The following AUTS2 variants were observed in gnomAD, a reference collection of about 807,000 sequenced individuals.
The protein encoded by AUTS2 is autism susceptibility gene 2 protein.
In AUTS2, 17 loss-of-function variants were observed where a neutral mutation model predicts 112.4. The ratio of observed to expected loss-of-function variants is 0.15; its 90% CI spans 0.10 to 0.23. The LOEUF (loss-of-function observed/expected upper bound fraction) is 0.23, where lower values mean the gene tolerates loss of function less well. AUTS2 is among the 10% of genes least tolerant of loss of function. The pLI is 1.00. For synonymous variants in AUTS2, 751 were observed against 702.7 expected, an observed-to-expected ratio of 1.07 and a Z score of -1.09; for missense variants, 1,510 against 1,701.6, an observed-to-expected ratio of 0.89 and a Z score of 1.98.
intron 14 of AUTS2, among the ~76,000 whole-genome samples, chr7:70,780,680 T>TC (rs1407327034): frequency 6.6e-6 from 1 of 152,060 alleles, no homozygotes; most frequent in Non-Finnish European, 1.5e-5. Flanking sequence ...GACACTGCCC[T>TC]CCCCCAACCT....
chr7:70,583,479 T>C (rs1010674163), intron 5 of AUTS2, among the ~76,000 whole-genome samples: 2 of 152,224 alleles, frequency 1.3e-5, no homozygotes, highest in African/African-American at 4.8e-5. Context: ...GCCTGTTTTC[T>C]AAGTAGCCAG....
chr7:70,733,162 C>T (rs538269268), intron 6 of AUTS2, among the ~76,000 whole-genome samples: 1 of 152,224 alleles, frequency 6.6e-6, no homozygotes, highest in South Asian at 2.1e-4. Context: ...AGTTAGGCTC[C>T]TGAGCACTTA....
intron 1 of AUTS2, among the ~76,000 whole-genome samples, chr7:69,881,958 C>G (rs1281341116): frequency 6.6e-6 from 1 of 151,162 alleles, no homozygotes; most frequent in Non-Finnish European, 1.5e-5. Context: ...TTGAGACCAG[C>G]CTGCCAACAT....
intron 1 of AUTS2, among the ~76,000 whole-genome samples, chr7:69,691,605 C>G (rs932467599): frequency 6.6e-6 from 1 of 151,954 alleles, no homozygotes; most frequent in Non-Finnish European, 1.5e-5. Context: ...GGGGAGAGGC[C>G]AGGGAGTGGG....
chr7:70,514,328 A>AC (rs1175832160), intron 5 of AUTS2, among the ~76,000 whole-genome samples: 1 of 152,212 alleles, frequency 6.6e-6, no homozygotes, highest in Non-Finnish European at 1.5e-5. Flanking sequence ...GAGACTGGGT[A>AC]CTATCTAAAG....
rs1249691635 is a variant in AUTS2 at position 69,599,849 on chromosome 7, G to A, written c.196G>A (p.Ala66Thr). ...AGACAATGGGAAGCCCCCGTCCTCC[G>A]CCCCGTCCCGGCCCAGACCCCCGCG... ...KEDNGKPPSS[A>T]PSRPRPPRRK... The change falls in exon 1 of 19, where the codon GCC (alanine) becomes ACC (threonine). Residue 66 changes from alanine to threonine, a missense_variant. Ala to Thr is a moderately conservative substitution (Grantham distance 58). Coordinates refer to ENST00000342771, the MANE Select transcript of AUTS2 (RefSeq NM_015570.4). The surrounding 1 kb of genome is among the most constrained non-coding windows in gnomAD (Gnocchi z 7.0). 1.2e-6 allele frequency: 2 copies of A among 1,612,202 alleles called. No homozygotes were observed. Among genetic ancestry groups the A allele is most frequent in the East Asian group, 2.2e-5 (1 of 44,722 alleles).
At chr7:70,095,904 A>T (rs1227254466) in intron 2 of AUTS2, among the ~76,000 whole-genome samples, 1 of 152,228 alleles carries the variant, frequency 6.6e-6, no homozygotes, top group Non-Finnish European at 1.5e-5. Context: ...CTATGTATTA[A>T]TTTAGTACAC....
intron 5 of AUTS2, among the ~76,000 whole-genome samples, chr7:70,603,222 C>A (rs202075621): frequency 1.0e-4 from 5 of 47,876 alleles, no homozygotes; most frequent in Admixed American, 5.0e-4. Flanking sequence ...TTTTCCTTTT[C>A]TTTTCTTTTT....
At chr7:70,450,461 A>C (rs1796485083) in intron 5 of AUTS2, among the ~76,000 whole-genome samples, 1 of 152,262 alleles carries the variant, frequency 6.6e-6, no homozygotes. Context: ...TATCATTTGC[A>C]AATAACAGAG....
At chr7:70,228,544 ATTAC>A (rs1490064175) in intron 4 of AUTS2, among the ~76,000 whole-genome samples, 2 of 151,448 alleles carry the variant, frequency 1.3e-5, no homozygotes, top group Non-Finnish European at 3.0e-5. Context: ...TATCATTTTT[ATTAC>A]TTAGTTCATT....
intron 2 of AUTS2, among the ~76,000 whole-genome samples, chr7:69,976,808 T>A (rs1330299820): frequency 6.6e-6 from 1 of 152,228 alleles, no homozygotes; most frequent in Non-Finnish European, 1.5e-5. Context: ...CATTGTTTGG[T>A]TGCAGAAGTT....
chr7:70,669,730 A>G (rs1223341923), intron 5 of AUTS2, among the ~76,000 whole-genome samples: 1 of 152,250 alleles, frequency 6.6e-6, no homozygotes, highest in Non-Finnish European at 1.5e-5. Context: ...TCATCGTGTG[A>G]ATAGCCATAA....
In AUTS2 at chr7:70,609,593, G is replaced by T. The variant is rs868503325; in HGVS notation, c.691-88976G>T. ...TTTTTTTGTTTTGTTTTTTTTTTTTGTTGTTTTGTTTTTTTAGTAGAGACA... is the reference window on the plus strand; with the variant it reads ...TTTTTTTGTTTTGTTTTTTTTTTTTTTTGTTTTGTTTTTTTAGTAGAGACA... On this transcript the variant is annotated intron_variant, in intron 5 of 18. Transcript: ENST00000342771. 5.1e-3 allele frequency among the ~76,000 whole-genome samples: 721 copies of T among 141,020 alleles called. 8 individuals are homozygous for T. The highest frequency in any genetic ancestry group is 0.019 in the African/African-American group (678 of 36,060). 92.5% of individuals were successfully genotyped at this position (141,020 alleles called of 152,430 possible).
chr7:70,093,205 A>G lies in AUTS2; in HGVS notation c.523-24927A>G, dbSNP rs188576570. ...GATCAATTACTTATGGCTGTAACCAATCTCTCATCGTTTTCTTGCTGTGCA... is the reference window on the plus strand; with the variant it reads ...GATCAATTACTTATGGCTGTAACCAGTCTCTCATCGTTTTCTTGCTGTGCA... On this transcript the variant is annotated intron_variant, in intron 2 of 18. Coordinates refer to ENST00000342771, the MANE Select transcript of AUTS2 (RefSeq NM_015570.4). Among the ~76,000 whole-genome samples, 9 of 152,212 alleles carry G rather than the reference A, an allele frequency of 5.9e-5. No individual in the cohort carries two copies. In the East Asian group the frequency reaches 1.2e-3, roughly 20 times the overall value.
intron 5 of AUTS2, among the ~76,000 whole-genome samples, chr7:70,469,961 C>T (rs1303832512): frequency 6.6e-6 from 1 of 150,890 alleles, no homozygotes; most frequent in Non-Finnish European, 1.5e-5. Flanking sequence ...TTTAGAGACT[C>T]AGTCTGGAGA....
intron 4 of AUTS2, among the ~76,000 whole-genome samples, chr7:70,423,768 A>G (rs1000608741): frequency 2.0e-5 from 3 of 151,984 alleles, no homozygotes; most frequent in African/African-American, 4.8e-5. Flanking sequence ...CACTTCGTTG[A>G]GAGGGAATGA....
intron 1 of AUTS2, among the ~76,000 whole-genome samples, chr7:69,815,882 T>C (rs1057012371): frequency 3.3e-5 from 5 of 152,364 alleles, no homozygotes; most frequent in African/African-American, 9.6e-5. Flanking sequence ...AATGGTGAGA[T>C]ACAACAGAGC....
At chr7:69,855,074 A>G (rs1474182118) in intron 1 of AUTS2, among the ~76,000 whole-genome samples, 1 of 152,228 alleles carries the variant, frequency 6.6e-6, no homozygotes, top group Admixed American at 6.5e-5. Context: ...GTGAAAATCT[A>G]CAGAAAACAA....
chr7:70,093,308 G>C (rs1321741966), intron 2 of AUTS2, among the ~76,000 whole-genome samples: 2 of 152,148 alleles, frequency 1.3e-5, no homozygotes, highest in Admixed American at 1.3e-4. Flanking sequence ...CTTCAGGTCT[G>C]CTGCCTCCAT....
Sources: gnomAD v4.1 joint callset for allele counts (sites outside exome capture counted in the v4.1 genomes callset) on GRCh38, gnomAD v4.1.1 for gene constraint, Gnocchi (gnomAD v3.1) non-coding constraint, MANE v1.5 for transcripts, NCBI Gene and HGNC (gene_info 2026-07-23, HGNC 2026-07-21) for gene names.